Variants in LPIN2 observed in about 807,000 individuals in gnomAD.
LPIN2 encodes the protein phosphatidate phosphatase LPIN2.
In LPIN2, 55 loss-of-function variants were observed where a neutral mutation model predicts 111.4. That is an observed-to-expected ratio of 0.49 (90% CI 0.40 to 0.62). The LOEUF (loss-of-function observed/expected upper bound fraction) is 0.62, where lower values mean the gene tolerates loss of function less well. LPIN2 is among the 20% of genes least tolerant of loss of function. The probability of loss-of-function intolerance (pLI) is 0.00; values close to 1 mark genes in which losing one functional copy is unlikely to be tolerated. For synonymous variants in LPIN2, 425 were observed against 414.0 expected (o/e 1.03, Z -0.32); for missense variants, 992 against 1,112.1 (o/e 0.89, Z 1.54).
chr18:2,923,375 G>A (rs912351480), intron 16 of LPIN2, among the ~76,000 whole-genome samples: 3 of 125,978 alleles, frequency 2.4e-5, no homozygotes, highest in Non-Finnish European at 4.7e-5. Flanking sequence ...AGCCAAGGTC[G>A]CGCCATTGCA....
intron 1 of LPIN2, among the ~76,000 whole-genome samples, chr18:3,007,495 A>T (rs548639475): frequency 7.2e-5 from 11 of 152,370 alleles, no homozygotes; most frequent in Non-Finnish European, 1.3e-4. Flanking sequence ...AATTTTAAAA[A>T]ATACTGTTAA....
chr18:2,931,102 G>A (rs928026899), intron 9 of LPIN2, among the ~76,000 whole-genome samples, 154 bp downstream of exon 9: 1 of 152,146 alleles, frequency 6.6e-6, no homozygotes, highest in African/African-American at 2.4e-5. Flanking sequence ...CCTTAAGTGA[G>A]GGTATAAGGG....
At chr18:2,928,491 T>G in intron 11 of LPIN2, 100 bp downstream of exon 11, 1 of 1,170,996 alleles carries the variant, frequency 8.5e-7, no homozygotes, top group Non-Finnish European at 1.3e-6. Flanking sequence ...AAGTAAAACT[T>G]TGAATAGTAC....
chr18:2,974,428 G>T (rs1201769454), intron 1 of LPIN2, among the ~76,000 whole-genome samples: 2 of 152,172 alleles, frequency 1.3e-5, no homozygotes, highest in African/African-American at 4.8e-5. Context: ...GGGGGAGCCT[G>T]TTATTAGAGA....
intron 16 of LPIN2, among the ~76,000 whole-genome samples, chr18:2,922,607 C>A (rs192059782): frequency 7.6e-4 from 115 of 152,282 alleles, no homozygotes; most frequent in African/African-American, 2.6e-3. Flanking sequence ...TCCAAATAAA[C>A]TTCCTCTCAT....
At position 2,921,640 on chromosome 18, in the gene LPIN2, T is replaced by A; in HGVS notation, c.2335A>T (p.Ile779Leu). 1.9e-6 allele frequency: 3 copies of A among 1,596,130 alleles called. No individual in the cohort carries two copies. Among genetic ancestry groups the A allele is most frequent in the Non-Finnish European group, 2.6e-6 (3 of 1,163,560 alleles). Residue 779 changes from isoleucine to leucine, a missense_variant, in exon 18 of 20, where the codon ATA (isoleucine) becomes TTA (leucine). Ile to Leu is a conservative substitution (Grantham distance 5). Transcript: ENST00000677752. ...SLFSAFHREV[I>L]EKKPEKFKIE... Reference sequence around the variant, plus strand: ...TTGAACTTCTCTGGTTTCTTTTCTATCACTTCTCTAAGAAAAAAATACAAA... The same window carrying A: ...TTGAACTTCTCTGGTTTCTTTTCTAACACTTCTCTAAGAAAAAAATACAAA...
rs1367967274 is a variant in LPIN2 at position 2,954,492 on chromosome 18, A to T, written c.288+12T>A. ...ACACTGTGTAAGGAGGGTGTAACCCATGCAAACTTACATATTCTTCTTCAG... is the reference window on the plus strand; with the variant it reads ...ACACTGTGTAAGGAGGGTGTAACCCTTGCAAACTTACATATTCTTCTTCAG... On this transcript the variant is annotated intron_variant, in intron 3 of 19. Transcript: ENST00000677752. 1 of 1,598,746 alleles carries T rather than the reference A, an allele frequency of 6.3e-7. No homozygotes were observed. The highest frequency in any genetic ancestry group is 1.7e-5 in the Admixed American group (1 of 59,996).
At chr18:2,978,047 C>T (rs1003232650) in intron 1 of LPIN2, among the ~76,000 whole-genome samples, 4 of 151,836 alleles carry the variant, frequency 2.6e-5, no homozygotes, top group African/African-American at 9.7e-5. Flanking sequence ...AAAAAGAAGC[C>T]GGGAGTGGTG....
At position 2,934,334 on chromosome 18, in the gene LPIN2, A is replaced by C. The variant is rs768204962; in HGVS notation, c.1268+17T>G. ...ACTATTTCAGAGCTGTCCTTCAATA[A>C]ATAAGGACCACTCTACCTTTTAGGG... On this transcript the variant is annotated intron_variant, in intron 8 of 19. Coordinates refer to ENST00000677752, the MANE Select transcript of LPIN2 (RefSeq NM_001375808.2). 6.6e-7 allele frequency: 1 copy of C among 1,522,262 alleles called. No individual in the cohort carries two copies. The highest frequency in any genetic ancestry group is 1.1e-5 in the South Asian group (1 of 88,970). 94.3% of individuals were successfully genotyped at this position (1,522,262 alleles called of 1,614,324 possible).
Position 2,937,728 on chromosome 18 carries a change from G to A in LPIN2, c.1132C>T (p.Pro378Ser), listed in dbSNP as rs201678207. 1.2e-4 allele frequency: 195 copies of A among 1,613,996 alleles called. No homozygotes were observed. The highest frequency in any genetic ancestry group is 1.5e-4 in the Non-Finnish European group (177 of 1,180,040). ...ALAEAPSESKPAAKVDSPSKK... is the reference protein window; with the variant it reads ...ALAEAPSESKSAAKVDSPSKK... ...GACGGCGAGTCTACTTTAGCTGCCGGTTTGGATTCTGAGGGCGCCTCCGCT... is the reference window on the plus strand; with the variant it reads ...GACGGCGAGTCTACTTTAGCTGCCGATTTGGATTCTGAGGGCGCCTCCGCT... The change falls in exon 7 of 20, where the codon CCG becomes TCG. Residue 378 changes from proline (P) to serine (S), a missense_variant. Physicochemically the swap from Pro to Ser is moderately conservative, Grantham distance 74 (BLOSUM62 -1). This residue lies in a region of LPIN2 where 709 missense variants were observed against 753.2 expected (regional missense o/e 0.94). Coordinates refer to ENST00000677752, the MANE Select transcript of LPIN2 (RefSeq NM_001375808.2).
chr18:2,974,626 T>C (rs2077979327), intron 1 of LPIN2, among the ~76,000 whole-genome samples: 1 of 152,232 alleles, frequency 6.6e-6, no homozygotes, highest in Non-Finnish European at 1.5e-5. Flanking sequence ...TTTTACTCAT[T>C]ATTCTTCCTA....
At chr18:2,968,067 T>C (rs543132983) in intron 1 of LPIN2, among the ~76,000 whole-genome samples, 2 of 152,250 alleles carry the variant, frequency 1.3e-5, no homozygotes, top group African/African-American at 4.8e-5. Flanking sequence ...GAGCCCCAAA[T>C]GTCTCCTCAA....
At position 2,917,028 on chromosome 18, in the gene LPIN2, A is replaced by G. The variant is rs1414574256; in HGVS notation, c.*3265T>C. On this transcript the variant is annotated 3_prime_UTR_variant, in exon 20 of 20. Coordinates refer to ENST00000677752, the MANE Select transcript of LPIN2 (RefSeq NM_001375808.2). ...TGTTATGTTCGTTTATTGTTGTAACATTTTGTTTTGAACATCAAACACTGC... is the reference window on the plus strand; with the variant it reads ...TGTTATGTTCGTTTATTGTTGTAACGTTTTGTTTTGAACATCAAACACTGC... 1 of 152,222 alleles carries G rather than the reference A, an allele frequency of 6.6e-6. No individual in the cohort carries two copies. The highest frequency in any genetic ancestry group is 2.1e-4 in the South Asian group (1 of 4,832). 9.4% of individuals were successfully genotyped at this position (152,222 alleles called of 1,614,324 possible).
intron 1 of LPIN2, among the ~76,000 whole-genome samples, chr18:2,978,626 A>T (rs941066844): frequency 6.6e-6 from 1 of 152,274 alleles, no homozygotes; most frequent in African/African-American, 2.4e-5. Context: ...GAAAAAGGAC[A>T]TTAGTAAGAA....
intron 1 of LPIN2, among the ~76,000 whole-genome samples, chr18:2,987,414 T>C (rs910002053): frequency 3.3e-5 from 5 of 152,226 alleles, no homozygotes; most frequent in African/African-American, 9.6e-5. Context: ...GAGTTGATTA[T>C]ATCATTAAGA....
At chr18:3,000,819 C>T (rs1227827704) in intron 1 of LPIN2, among the ~76,000 whole-genome samples, 2 of 152,120 alleles carry the variant, frequency 1.3e-5, no homozygotes, top group Non-Finnish European at 2.9e-5. Context: ...CGTGTTCCCT[C>T]CTAAGAGACT....
At chr18:2,921,469 C>T (rs1222450385) in intron 18 of LPIN2, 64 bp downstream of exon 18, 3 of 1,212,598 alleles carry the variant, frequency 2.5e-6, no homozygotes, top group Non-Finnish European at 3.7e-6. Context: ...CGTGGCTACA[C>T]CCCACGAAGT....
intron 1 of LPIN2, among the ~76,000 whole-genome samples, chr18:2,993,510 C>T (rs1351205315): frequency 1.3e-5 from 2 of 152,224 alleles, no homozygotes; most frequent in Non-Finnish European, 2.9e-5. Flanking sequence ...AAAACTATGG[C>T]TTTCTGAGCA....
chr18:2,946,563 C>T (rs755587414), intron 4 of LPIN2: 2 of 1,247,008 alleles, frequency 1.6e-6, no homozygotes, highest in South Asian at 2.4e-5. Context: ...ACAGGCAAGG[C>T]CCAAACACCG....
Sources: gnomAD v4.1 joint callset for allele counts (sites outside exome capture counted in the v4.1 genomes callset) on GRCh38, gnomAD v4.1.1 for gene constraint, gnomAD v4.1.1 regional missense constraint, MANE v1.5 for transcripts, NCBI Gene and HGNC (gene_info 2026-07-23, HGNC 2026-07-21) for gene names.